Variants in CDC45 observed in about 807,000 individuals in gnomAD.
The protein encoded by CDC45 is cell division cycle 45.
CDC45 carries 54 observed loss-of-function variants against 77.8 expected under a neutral mutation model. The ratio of observed to expected loss-of-function variants is 0.69; its 90% CI spans 0.56 to 0.87. The LOEUF (loss-of-function observed/expected upper bound fraction) is 0.87, where lower values mean the gene tolerates loss of function less well. CDC45 is among the 40% of genes least tolerant of loss of function. CDC45 has a pLI of 0.00. For missense variants in CDC45, 649 were observed against 721.6 expected, an observed-to-expected ratio of 0.90 and a Z score of 1.15; for synonymous variants, 260 against 272.1, an observed-to-expected ratio of 0.96 and a Z score of 0.44.
intron 17 of CDC45, among the ~76,000 whole-genome samples, chr22:19,517,606 C>T (rs1275895407): frequency 6.6e-6 from 1 of 152,200 alleles, no homozygotes; most frequent in Non-Finnish European, 1.5e-5. Flanking sequence ...GTCCTAGAGG[C>T]GAGAAGGCCC....
chr22:19,482,647 C>A, intron 3 of CDC45, 43 bp from the exon 4 acceptor site: 1 of 1,594,506 alleles, frequency 6.3e-7, no homozygotes, highest in Non-Finnish European at 8.6e-7. Context: ...GGAAAAGGGG[C>A]CTCCTCGATA....
At chr22:19,487,910 CAAAAAAAAAAA>C (rs11291499) in intron 5 of CDC45, among the ~76,000 whole-genome samples, 20 of 68,778 alleles carry the variant, frequency 2.9e-4, no homozygotes, top group African/African-American at 1.2e-3. Flanking sequence ...GACTCCGTCT[CAAAAAAAAAAA>C]AAAAAAAAAA....
chr22:19,510,760 C>G (rs992563099), intron 13 of CDC45, among the ~76,000 whole-genome samples: 12 of 152,300 alleles, frequency 7.9e-5, no homozygotes, highest in African/African-American at 2.9e-4. Flanking sequence ...AACTCCTGAC[C>G]TCTTGATCCA....
chr22:19,498,989 A>T, intron 8 of CDC45, 112 bp from the exon 9 acceptor site: 1 of 1,174,958 alleles, frequency 8.5e-7, no homozygotes, highest in Non-Finnish European at 1.3e-6. Context: ...CACTGGCAGG[A>T]CATTCCCCAG....
Position 19,515,038 on chromosome 22 carries a change from T to C in CDC45, c.1430T>C (p.Phe477Ser). Residue 477 changes from phenylalanine to serine, a missense_variant, in exon 15 of 19, where the codon TTT (phenylalanine) becomes TCT (serine). Physicochemically the swap from Phe to Ser is radical, Grantham distance 155. Coordinates refer to ENST00000263201, the MANE Select transcript of CDC45 (RefSeq NM_003504.5). Reference sequence around the variant, plus strand: ...CTCAGCAAACACCTGCTCAAGTCCTTTGTGTGTTCGGTGAGGGGCCAGGCG... The same window carrying C: ...CTCAGCAAACACCTGCTCAAGTCCTCTGTGTGTTCGGTGAGGGGCCAGGCG... ...SLLSKHLLKS[F>S]VCSTKNRRCK... The C allele has an allele frequency of 6.2e-7, 1 of 1,606,380 alleles. No homozygotes were observed. Among genetic ancestry groups the C allele is most frequent in the Non-Finnish European group, 8.5e-7 (1 of 1,174,718 alleles).
chr22:19,505,236 A>T (rs1325628960), intron 9 of CDC45, 126 bp from the exon 10 acceptor site: 3 of 1,097,586 alleles, frequency 2.7e-6, no homozygotes, highest in African/African-American at 3.1e-5. Flanking sequence ...TAGTCCCTGC[A>T]TGGGAACAGC....
At chr22:19,498,037 G>A (rs1421719274) in intron 8 of CDC45, among the ~76,000 whole-genome samples, 1 of 152,134 alleles carries the variant, frequency 6.6e-6, no homozygotes, top group African/African-American at 2.4e-5. Context: ...AGCCAGGCGT[G>A]GTGGTGGGTG....
At chr22:19,519,454 C>T (rs1377557314) in intron 18 of CDC45, among the ~76,000 whole-genome samples, 1 of 152,346 alleles carries the variant, frequency 6.6e-6, no homozygotes, top group East Asian at 1.9e-4. Flanking sequence ...AGGTCACTGT[C>T]CCGGGACACC....
In CDC45 at chr22:19,518,885, G is replaced by A. The variant is rs777465906; in HGVS notation, c.1678G>A (p.Ala560Thr). Residue 560 changes from alanine (A) to threonine (T), a missense_variant, in exon 18 of 19, where the codon GCA becomes ACA. Transcript: ENST00000263201. ...KAEDRSKFLD[A>T]LISLLS ...TGAGGATCGGAGCAAGTTTCTGGAC[G>A]CACTTATTTCCCTCCTGTCCTAGGG... 2.5e-6 allele frequency: 4 copies of A among 1,613,982 alleles called. No homozygotes were observed. Among genetic ancestry groups the A allele is most frequent in the Non-Finnish European group, 3.4e-6 (4 of 1,179,872 alleles).
chr22:19,512,094 G>C (rs915875974), intron 13 of CDC45, among the ~76,000 whole-genome samples: 2 of 151,946 alleles, frequency 1.3e-5, no homozygotes, highest in African/African-American at 2.4e-5. Flanking sequence ...GTCAGGCTGG[G>C]CCCCTTACTC....
chr22:19,497,292 C>T, intron 7 of CDC45, 94 bp from the exon 8 acceptor site: 1 of 1,155,352 alleles, frequency 8.7e-7, no homozygotes. Context: ...AGGGGTTTGC[C>T]AGGGCCCTTC....
intron 10 of CDC45, among the ~76,000 whole-genome samples, 176 bp from the exon 11 acceptor site, chr22:19,507,210 A>G (rs1402785973): frequency 6.6e-6 from 1 of 152,176 alleles, no homozygotes; most frequent in Admixed American, 6.5e-5. Context: ...GGCTCTCTGT[A>G]TGGGTCAGCT....
intron 5 of CDC45, among the ~76,000 whole-genome samples, chr22:19,487,029 C>G (rs997654102): frequency 2.7e-5 from 4 of 149,666 alleles, no homozygotes; most frequent in Non-Finnish European, 1.5e-5. Flanking sequence ...TGTGGTGGCT[C>G]AAGCCTGTAA....
chr22:19,486,662 C>T (rs557629678), intron 5 of CDC45, among the ~76,000 whole-genome samples: 277 of 152,214 alleles, frequency 1.8e-3, no homozygotes, highest in African/African-American at 6.3e-3. Flanking sequence ...TGATTTATAA[C>T]TAAGTATGTG....
At chr22:19,497,572 C>T (rs2090265299) in intron 8 of CDC45, 125 bp downstream of exon 8, 1 of 770,794 alleles carries the variant, frequency 1.3e-6, no homozygotes, top group East Asian at 2.5e-5. Context: ...AGATGCAGCC[C>T]CTTTCTGGGT....
At chr22:19,497,945 A>G (rs2090272591) in intron 8 of CDC45, among the ~76,000 whole-genome samples, 1 of 152,030 alleles carries the variant, frequency 6.6e-6, no homozygotes, top group Non-Finnish European at 1.5e-5. Flanking sequence ...TAATCCCAGC[A>G]CTTTGGAAGG....
At chr22:19,502,143 C>T (rs747115162) in intron 9 of CDC45, among the ~76,000 whole-genome samples, 1 of 152,152 alleles carries the variant, frequency 6.6e-6, no homozygotes, top group Admixed American at 6.5e-5. Flanking sequence ...CAATATTCAT[C>T]TTATTTGTCA....
chr22:19,482,591 G>T, intron 3 of CDC45, 99 bp from the exon 4 acceptor site: 1 of 1,322,688 alleles, frequency 7.6e-7, no homozygotes, highest in Non-Finnish European at 1.0e-6. Flanking sequence ...CACATGTCAG[G>T]GACTGAGTGA....
In CDC45 at chr22:19,496,675, T is replaced by TA. The variant is rs1354993160; in HGVS notation, c.591+647dup. 3.9e-5 allele frequency among the ~76,000 whole-genome samples: 6 copies of TA among 152,308 alleles called. No individual in the cohort carries two copies. In the East Asian group the frequency reaches 1.2e-3, roughly 29 times the overall value. ...GGTGGGGAGGGTGCTGATGCTCACT[T>TA]AGAGAAGATAACTCCCTCCAGATAT... On this transcript the variant is annotated intron_variant, in intron 7 of 18. Transcript: ENST00000263201.
Sources: gnomAD v4.1 joint callset for allele counts (sites outside exome capture counted in the v4.1 genomes callset) on GRCh38, gnomAD v4.1.1 for gene constraint, MANE v1.5 for transcripts, NCBI Gene and HGNC (gene_info 2026-07-23, HGNC 2026-07-21) for gene names.